Variants in SYT6 observed in about 807,000 individuals in gnomAD.
The protein encoded by SYT6 is synaptotagmin-6.
A neutral mutation model predicts 38.4 loss-of-function variants in SYT6; 24 were observed. The ratio of observed to expected loss-of-function variants is 0.62; its 90% CI spans 0.45 to 0.88. The LOEUF (loss-of-function observed/expected upper bound fraction) is 0.88, where lower values mean the gene tolerates loss of function less well. Ranked by LOEUF, SYT6 falls within the 40% of genes least tolerant of loss-of-function variation. SYT6 has a pLI of 0.00. For synonymous variants in SYT6, 265 were observed against 241.9 expected (o/e 1.10, Z -0.89); for missense variants, 611 against 621.0 (o/e 0.98, Z 0.17).
At chr1:114,092,458 T>A (rs1002872575) in intron 7 of SYT6, among the ~76,000 whole-genome samples, 1 of 152,182 alleles carries the variant, frequency 6.6e-6, no homozygotes, top group Admixed American at 6.5e-5. Context: ...AAAGAGGCAG[T>A]GTGCAGAATA....
At chr1:114,142,962 T>G (rs975441171) in intron 1 of SYT6, among the ~76,000 whole-genome samples, 24 of 152,160 alleles carry the variant, frequency 1.6e-4, no homozygotes, top group Non-Finnish European at 3.1e-4. Flanking sequence ...GTAAATATAT[T>G]ACAATGTATA....
chr1:114,137,738 G>A lies in SYT6; in HGVS notation c.828C>T (p.Asp276=). The A allele has an allele frequency of 6.2e-7, 1 of 1,614,174 alleles. No homozygotes were observed. The highest frequency in any genetic ancestry group is 8.5e-7 in the Non-Finnish European group (1 of 1,180,036). ...DPYVKIYLLP[D]RKCKLQTRVH... is the part of the protein sequence containing the mutation. ...CCCGGGTCTGCAGCTTGCATTTGCGGTCAGGCAGGAGGTAGATCTTGACAT... is the reference window on the plus strand; with the variant it reads ...CCCGGGTCTGCAGCTTGCATTTGCGATCAGGCAGGAGGTAGATCTTGACAT... Residue 276 remains aspartate (D), a synonymous_variant, in exon 3 of 8, where the codon GAC becomes GAT. Coordinates refer to ENST00000610222, the MANE Select transcript of SYT6 (RefSeq NM_001253772.2).
intron 3 of SYT6, among the ~76,000 whole-genome samples, chr1:114,115,661 C>T (rs758775472): frequency 1.9e-4 from 29 of 152,198 alleles, no homozygotes; most frequent in Admixed American, 3.9e-4. Flanking sequence ...ATGATCTGCC[C>T]GCCTCGGCCT....
chr1:114,123,517 G>C (rs1004332887), intron 3 of SYT6, among the ~76,000 whole-genome samples: 3 of 152,196 alleles, frequency 2.0e-5, no homozygotes, highest in Non-Finnish European at 4.4e-5. Flanking sequence ...AAAGCCTTTT[G>C]GGGGCAGCAG....
intron 5 of SYT6, among the ~76,000 whole-genome samples, chr1:114,098,092 G>A (rs1571816555): frequency 6.6e-6 from 1 of 152,308 alleles, no homozygotes; most frequent in East Asian, 1.9e-4. Flanking sequence ...ATGAGCAAAG[G>A]TTATAAACTT....
chr1:114,102,918 A>G lies in SYT6; in HGVS notation c.1192+683T>C, dbSNP rs181757753. On this transcript the variant is annotated intron_variant, in intron 4 of 7. Transcript: ENST00000610222. ...TTCCACAACTTGCAGAATTGTGGGGAAAGACTCAAACCTCTGACACTACGT... is the reference window on the plus strand; with the variant it reads ...TTCCACAACTTGCAGAATTGTGGGGGAAGACTCAAACCTCTGACACTACGT... Among the ~76,000 whole-genome samples, 1,273 of 152,322 alleles carry G rather than the reference A, an allele frequency of 8.4e-3. 7 individuals carry two copies. Among genetic ancestry groups the G allele is most frequent in the Non-Finnish European group, 0.013 (853 of 68,032 alleles).
intron 3 of SYT6, among the ~76,000 whole-genome samples, chr1:114,110,862 T>TC (rs763864747): frequency 2.0e-5 from 3 of 152,056 alleles, no homozygotes; most frequent in Admixed American, 6.6e-5. Flanking sequence ...CCCTGCCCAC[T>TC]CCCTCCAATC....
At chr1:114,126,874 G>A (rs1044200004) in intron 3 of SYT6, among the ~76,000 whole-genome samples, 12 of 152,176 alleles carry the variant, frequency 7.9e-5, no homozygotes, top group African/African-American at 2.7e-4. Context: ...TACCCTACAG[G>A]AAGCTGGCCT....
intron 6 of SYT6, among the ~76,000 whole-genome samples, chr1:114,094,439 G>A (rs1331666934): frequency 1.3e-5 from 2 of 152,180 alleles, no homozygotes; most frequent in East Asian, 1.9e-4. Context: ...GGAGAAGAGC[G>A]CTGGTCAACT....
chr1:114,134,252 C>A (rs1678347776), intron 3 of SYT6, among the ~76,000 whole-genome samples: 1 of 152,194 alleles, frequency 6.6e-6, no homozygotes, highest in Non-Finnish European at 1.5e-5. Flanking sequence ...TCTCTCCCCA[C>A]CAAGCCTGGC....
At chr1:114,111,413 C>T (rs529889779) in intron 3 of SYT6, among the ~76,000 whole-genome samples, 21 of 152,338 alleles carry the variant, frequency 1.4e-4, no homozygotes, top group Middle Eastern at 3.4e-3. Context: ...AGGATGTGGA[C>T]GGAAGCTTGA....
At chr1:114,109,892 C>T (rs1676569299) in intron 3 of SYT6, among the ~76,000 whole-genome samples, 1 of 152,226 alleles carries the variant, frequency 6.6e-6, no homozygotes, top group African/African-American at 2.4e-5. Context: ...AAAAAGTAAG[C>T]AAGCGCTTTT....
At chr1:114,122,952 C>G (rs754188958) in intron 3 of SYT6, among the ~76,000 whole-genome samples, 6 of 152,250 alleles carry the variant, frequency 3.9e-5, no homozygotes, top group Non-Finnish European at 7.3e-5. Flanking sequence ...CCGCCCAGCA[C>G]AGCTTGTCAG....
intron 3 of SYT6, among the ~76,000 whole-genome samples, chr1:114,112,246 G>A (rs771138788): frequency 7.2e-5 from 11 of 152,222 alleles, no homozygotes; most frequent in South Asian, 2.1e-4. Flanking sequence ...CCCCCAAGCC[G>A]GTGTGGAGCA....
intron 3 of SYT6, among the ~76,000 whole-genome samples, chr1:114,104,524 A>G (rs1192361774): frequency 1.3e-5 from 2 of 152,150 alleles, no homozygotes; most frequent in Non-Finnish European, 2.9e-5. Context: ...CATTTGATGA[A>G]GGAGGGCGCT....
chr1:114,132,039 G>GT lies in SYT6; in HGVS notation c.1071+5455dup, dbSNP rs1296532580. Among the ~76,000 whole-genome samples, 5 of 152,330 alleles carry GT rather than the reference G, an allele frequency of 3.3e-5. No homozygotes were observed. In the East Asian group the frequency reaches 9.6e-4, roughly 29 times the overall value. On this transcript the variant is annotated intron_variant, in intron 3 of 7. Transcript: ENST00000610222. ...TTCAAATCTTGGCTTTATTATTTCT[G>GT]TTTGGGTGACAATGGGTAAGTCACC...
intron 1 of SYT6, among the ~76,000 whole-genome samples, chr1:114,147,645 G>A (rs951251525): frequency 7.9e-5 from 12 of 152,290 alleles, no homozygotes; most frequent in South Asian, 6.2e-4. Flanking sequence ...TCAGGTGGGC[G>A]GCAGTGCCAG....
intron 3 of SYT6, among the ~76,000 whole-genome samples, chr1:114,134,085 G>A (rs1040892065): frequency 6.6e-6 from 1 of 152,158 alleles, no homozygotes; most frequent in Admixed American, 6.5e-5. Context: ...ACTTTGGTGA[G>A]CACAGAGCAA....
chr1:114,109,661 AC>A (rs1676553097), intron 3 of SYT6, among the ~76,000 whole-genome samples: 1 of 152,184 alleles, frequency 6.6e-6, no homozygotes, highest in African/African-American at 2.4e-5. Flanking sequence ...AATTATTACT[AC>A]TGTTATAAAG....
Sources: gnomAD v4.1 joint callset for allele counts (sites outside exome capture counted in the v4.1 genomes callset) on GRCh38, gnomAD v4.1.1 for gene constraint, MANE v1.5 for transcripts, NCBI Gene and HGNC (gene_info 2026-07-23, HGNC 2026-07-21) for gene names.